The following ATRNL1 variants were observed in gnomAD, a reference collection of about 807,000 sequenced individuals.
ATRNL1 encodes attractin-like protein 1.
In ATRNL1, 95 loss-of-function variants were observed where a neutral mutation model predicts 182.7. That is an observed-to-expected ratio of 0.52 (90% CI 0.44 to 0.62). The LOEUF (loss-of-function observed/expected upper bound fraction) is 0.62, where lower values mean the gene tolerates loss of function less well. Ranked by LOEUF, ATRNL1 falls within the 20% of genes least tolerant of loss-of-function variation. The pLI is 0.00. For synonymous variants in ATRNL1, 576 were observed against 568.3 expected, an observed-to-expected ratio of 1.01 and a Z score of -0.19; for missense variants, 1,471 against 1,679.5, an observed-to-expected ratio of 0.88 and a Z score of 2.17.
intron 26 of ATRNL1, among the ~76,000 whole-genome samples, chr10:115,629,000 T>G (rs1555025562): frequency 1.3e-5 from 2 of 152,176 alleles, no homozygotes; most frequent in Non-Finnish European, 2.9e-5. Context: ...TCCATTACTC[T>G]CATTTTTATT....
chr10:115,620,582 A>G (rs1555022367), intron 26 of ATRNL1, among the ~76,000 whole-genome samples: 2 of 152,196 alleles, frequency 1.3e-5, no homozygotes, highest in African/African-American at 4.8e-5. Context: ...TTTACCAGCA[A>G]ATTTAAAGCC....
chr10:115,121,685 A>G lies in ATRNL1; in HGVS notation c.378-14A>G, dbSNP rs1554871651. The G allele has an allele frequency of 1.3e-5, 15 of 1,197,916 alleles. No homozygotes were observed. The highest frequency in any genetic ancestry group is 6.6e-5 in the Admixed American group (3 of 45,190). 74.2% of individuals were successfully genotyped at this position (1,197,916 alleles called of 1,614,324 possible). ...TATATTTTAATTTGAAAAATATTTC[A>G]TATTCATTTTCAGTCCAAATGCAGT... is the stretch of plus-strand genomic sequence containing the variant. On this transcript the variant is annotated splice_polypyrimidine_tract_variant and intron_variant, in intron 2 of 28. Transcript: ENST00000355044.
intron 26 of ATRNL1, among the ~76,000 whole-genome samples, chr10:115,556,320 T>C (rs1430850969): frequency 2.0e-5 from 3 of 152,142 alleles, no homozygotes; most frequent in East Asian, 1.9e-4. Flanking sequence ...TTCATATTTA[T>C]ACAGAGAGGA....
At chr10:115,797,964 C>T (rs1182364918) in intron 27 of ATRNL1, among the ~76,000 whole-genome samples, 2 of 152,160 alleles carry the variant, frequency 1.3e-5, no homozygotes, top group African/African-American at 4.8e-5. Flanking sequence ...GTTGCCCAGG[C>T]TGCAGTGCAG....
chr10:115,638,920 G>A (rs1859057993), intron 26 of ATRNL1, among the ~76,000 whole-genome samples: 1 of 152,146 alleles, frequency 6.6e-6, no homozygotes. Context: ...AGGAACTAAA[G>A]AGCCAACATT....
chr10:115,236,702 C>G (rs931733496), intron 9 of ATRNL1, among the ~76,000 whole-genome samples: 1 of 151,966 alleles, frequency 6.6e-6, no homozygotes, highest in Non-Finnish European at 1.5e-5. Context: ...ATGTGTCTTA[C>G]GTGAATATGG....
chr10:115,103,141 G>C (rs1395241990), intron 1 of ATRNL1, among the ~76,000 whole-genome samples: 1 of 150,918 alleles, frequency 6.6e-6, no homozygotes, highest in South Asian at 2.1e-4. Flanking sequence ...GGGTTCACGC[G>C]ATTCTCGTGC....
intron 18 of ATRNL1, among the ~76,000 whole-genome samples, chr10:115,325,719 G>A (rs1554932972): frequency 1.3e-5 from 2 of 151,990 alleles, no homozygotes; most frequent in Non-Finnish European, 2.9e-5. Flanking sequence ...CATTTTGCTA[G>A]GGAACTTCTT....
intron 15 of ATRNL1, among the ~76,000 whole-genome samples, chr10:115,299,255 A>C (rs1853356783): frequency 6.6e-6 from 1 of 151,916 alleles, no homozygotes; most frequent in African/African-American, 2.4e-5. Flanking sequence ...TATCATTTTT[A>C]ATATAAGAAC....
At chr10:115,475,946 T>G (rs2134592165) in intron 24 of ATRNL1, among the ~76,000 whole-genome samples, 1 of 151,538 alleles carries the variant, frequency 6.6e-6, no homozygotes, top group South Asian at 2.1e-4. Flanking sequence ...CTGCTCATCA[T>G]AACAAAGACA....
chr10:115,340,152 G>C (rs1554937840), intron 19 of ATRNL1, among the ~76,000 whole-genome samples: 1 of 152,038 alleles, frequency 6.6e-6, no homozygotes, highest in Non-Finnish European at 1.5e-5. Flanking sequence ...AGTTTTCTTT[G>C]TTTGTTTTTG....
chr10:115,708,285 T>C (rs1245355163), intron 26 of ATRNL1, among the ~76,000 whole-genome samples: 1 of 151,544 alleles, frequency 6.6e-6, no homozygotes, highest in African/African-American at 2.4e-5. Context: ...AGAATAAAAG[T>C]AACACTATTA....
chr10:115,612,879 A>G (rs1857238359), intron 26 of ATRNL1, among the ~76,000 whole-genome samples: 1 of 152,178 alleles, frequency 6.6e-6, no homozygotes, highest in Non-Finnish European at 1.5e-5. Flanking sequence ...TGATCCTGAC[A>G]ACTTTCACAT....
intron 24 of ATRNL1, among the ~76,000 whole-genome samples, chr10:115,497,764 TCTC>T (rs1370440344): frequency 5.9e-5 from 9 of 152,156 alleles, no homozygotes; most frequent in African/African-American, 1.9e-4. Context: ...CTCAAGCAAT[TCTC>T]CTGCTTCAGC....
At chr10:115,632,864 T>TTTTTAA (rs1858604212) in intron 26 of ATRNL1, among the ~76,000 whole-genome samples, 1 of 136,532 alleles carries the variant, frequency 7.3e-6, no homozygotes, top group African/African-American at 2.7e-5. Context: ...TCACATTAAC[T>TTTTTAA]TTTTATTTTA....
chr10:115,375,410 A>C lies in ATRNL1; in HGVS notation c.3176-19249A>C, dbSNP rs1256019336. 1.3e-5 allele frequency among the ~76,000 whole-genome samples: 2 copies of C among 152,050 alleles called. 1 individual carries two copies. The highest frequency in any genetic ancestry group is 2.9e-5 in the Non-Finnish European group (2 of 67,908). On this transcript the variant is annotated intron_variant, in intron 19 of 28. Transcript: ENST00000355044. ...GAGTCTATTGTTTGATCACTAAAAA[A>C]AGTCCAGTTAGCTAATCTGTGTCTT...
intron 19 of ATRNL1, among the ~76,000 whole-genome samples, chr10:115,372,173 A>T (rs1380194887): frequency 6.6e-6 from 1 of 152,202 alleles, no homozygotes; most frequent in Non-Finnish European, 1.5e-5. Context: ...GTGGAAACGG[A>T]CTAATACATG....
At chr10:115,825,493 T>A (rs1950409639) in intron 27 of ATRNL1, among the ~76,000 whole-genome samples, 1 of 152,122 alleles carries the variant, frequency 6.6e-6, no homozygotes, top group African/African-American at 2.4e-5. Context: ...CTTGGTACAC[T>A]CATGCTTAAA....
chr10:115,369,372 G>A (rs2134190016), intron 19 of ATRNL1, among the ~76,000 whole-genome samples: 1 of 151,954 alleles, frequency 6.6e-6, no homozygotes, highest in South Asian at 2.1e-4. Flanking sequence ...GAAGGCGATG[G>A]GATTCCGTGA....
Sources: allele counts gnomAD v4.1 joint callset (sites outside exome capture counted in the v4.1 genomes callset), GRCh38; gene constraint gnomAD v4.1.1; transcripts MANE v1.5; gene names NCBI Gene and HGNC (gene_info 2026-07-23, HGNC 2026-07-21).